ARHGAP32: variants seen among roughly 807,000 people sequenced by gnomAD.
ARHGAP32 encodes the protein Rho GTPase activating protein 32, also known as rho GTPase-activating protein 32.
Under a neutral mutation model 186.5 loss-of-function variants are expected in ARHGAP32, and 51 were observed. That is an observed-to-expected ratio of 0.27 (90% CI 0.22 to 0.35). The LOEUF is 0.35. Among genes scored for constraint, ARHGAP32 ranks in the 10% least tolerant of loss-of-function variants. ARHGAP32 has a pLI of 1.00. For synonymous variants in ARHGAP32, 950 were observed against 964.3 expected (o/e 0.99, Z 0.27); for missense variants, 2,186 against 2,623.5 (o/e 0.83, Z 3.64).
chr11:129,252,023 T>C (rs1176170115), intron 1 of ARHGAP32, among the ~76,000 whole-genome samples: 2 of 151,476 alleles, frequency 1.3e-5, no homozygotes, highest in African/African-American at 4.9e-5. Flanking sequence ...AAAAAGTAAA[T>C]AATAATATCA....
intron 1 of ARHGAP32, among the ~76,000 whole-genome samples, chr11:129,176,529 C>G (rs962244779): frequency 6.9e-6 from 1 of 145,130 alleles, no homozygotes; most frequent in Non-Finnish European, 1.5e-5. Flanking sequence ...TGACCACATA[C>G]TTGGAAGTAA....
chr11:129,104,798 C>T (rs1394187651), intron 5 of ARHGAP32, among the ~76,000 whole-genome samples: 1 of 152,132 alleles, frequency 6.6e-6, no homozygotes, highest in Admixed American at 6.6e-5. Context: ...TCAGAGTCAA[C>T]TTTCTCAGTA....
At chr11:128,986,147 T>C in intron 14 of ARHGAP32, 62 bp from the exon 15 acceptor site, 3 of 1,286,794 alleles carry the variant, frequency 2.3e-6, no homozygotes, top group African/African-American at 1.5e-5. Flanking sequence ...AAAGTTCACT[T>C]ACAATTCAGT....
intron 2 of ARHGAP32, chr11:129,126,004 G>A (rs1430235053): frequency 2.3e-6 from 1 of 435,662 alleles, no homozygotes; most frequent in South Asian, 1.7e-5. Flanking sequence ...GTAACATCTT[G>A]TCTTATTTTT....
At chr11:129,007,591 T>C (rs926981987) in intron 11 of ARHGAP32, among the ~76,000 whole-genome samples, 11 of 152,046 alleles carry the variant, frequency 7.2e-5, no homozygotes, top group African/African-American at 1.9e-4. Context: ...GTATCCAAGA[T>C]GCAAGACAAA....
At chr11:128,996,070 G>A (rs1220076857) in intron 12 of ARHGAP32, among the ~76,000 whole-genome samples, 1 of 152,098 alleles carries the variant, frequency 6.6e-6, no homozygotes, top group Non-Finnish European at 1.5e-5. Context: ...GAACCTATTG[G>A]TAAAAATCAC....
At chr11:129,248,433 CTT>C (rs1384929549) in intron 1 of ARHGAP32, among the ~76,000 whole-genome samples, 6 of 152,246 alleles carry the variant, frequency 3.9e-5, no homozygotes, top group Middle Eastern at 6.8e-3. Flanking sequence ...AAAATTTACT[CTT>C]AATCAAAATC....
At chr11:129,012,231 C>A (rs770352376) in intron 11 of ARHGAP32, among the ~76,000 whole-genome samples, 9 of 152,108 alleles carry the variant, frequency 5.9e-5, no homozygotes, top group Non-Finnish European at 8.8e-5. Flanking sequence ...ATATTGGTAA[C>A]AACTTTATAC....
At position 128,981,445 on chromosome 11, in the gene ARHGAP32, C is replaced by T; in HGVS notation, c.1751G>A (p.Arg584Lys). ...LNHVDVLFSG[R>K]ISMAMQEGAA... The stretch of plus-strand genomic sequence containing the variant: ...CCCCTCTTGCATGGCCATGCTGATT[C>T]TGCCGCTGAACAGCACATCAACGTG... Residue 584 changes from arginine to lysine, a missense_variant, in exon 17 of 23, where the codon AGA (arginine) becomes AAA (lysine). Physicochemically the swap from Arg to Lys is conservative, Grantham distance 26. Coordinates refer to ENST00000682385, the MANE Select transcript of ARHGAP32 (RefSeq NM_001378024.1). The T allele has an allele frequency of 6.2e-7, 1 of 1,610,980 alleles. No homozygotes were observed. The highest frequency in any genetic ancestry group is 8.5e-7 in the Non-Finnish European group (1 of 1,177,928).
Position 129,149,875 on chromosome 11 carries a change from A to G in ARHGAP32, c.225+14444T>C, listed in dbSNP as rs543201003. ...AGACACCAGAAAAATGTGAAAACCA[A>G]TGTAAAGAAATTTTTTTAGAAAATA... On this transcript the variant is annotated intron_variant, in intron 2 of 22. Coordinates refer to ENST00000682385, the MANE Select transcript of ARHGAP32 (RefSeq NM_001378024.1). Among the ~76,000 whole-genome samples the G allele has an allele frequency of 3.3e-3, 495 of 152,248 alleles. 1 individual carries two copies. Among genetic ancestry groups the G allele is most frequent in the African/African-American group, 0.011 (477 of 41,566 alleles).
chr11:129,167,757 A>G (rs987693913), intron 1 of ARHGAP32, among the ~76,000 whole-genome samples: 3 of 152,100 alleles, frequency 2.0e-5, no homozygotes, highest in Admixed American at 2.0e-4. Flanking sequence ...GAGGGATTTC[A>G]GGTGAGGGAT....
At chr11:129,149,262 C>T (rs973802323) in intron 2 of ARHGAP32, among the ~76,000 whole-genome samples, 1 of 152,182 alleles carries the variant, frequency 6.6e-6, no homozygotes, top group East Asian at 1.9e-4. Context: ...TTCCACTGCC[C>T]ACAACATCCT....
At chr11:129,103,929 C>T (rs1043718724) in intron 5 of ARHGAP32, among the ~76,000 whole-genome samples, 5 of 151,888 alleles carry the variant, frequency 3.3e-5, no homozygotes, top group Admixed American at 6.6e-5. Context: ...TAGACAAAAA[C>T]CCAGAACTGC....
upstream of ARHGAP32, among the ~76,000 whole-genome samples, chr11:129,193,604 A>ATATATAATATATATATAT (rs1391567385): frequency 1.3e-5 from 1 of 74,440 alleles, no homozygotes; most frequent in African/African-American, 5.4e-5. Context: ...GTTATATATA[A>ATATATAATATATATATAT]TATATAATAT....
chr11:129,159,765 C>CA (rs1160831893), intron 2 of ARHGAP32, among the ~76,000 whole-genome samples: 22 of 152,106 alleles, frequency 1.4e-4, no homozygotes, highest in Non-Finnish European at 2.4e-4. Flanking sequence ...AGAGACACAA[C>CA]AAAAAAACTA....
At chr11:129,097,175 T>C (rs982861571) in intron 5 of ARHGAP32, among the ~76,000 whole-genome samples, 1 of 150,608 alleles carries the variant, frequency 6.6e-6, no homozygotes, top group African/African-American at 2.4e-5. Context: ...AAGGAAAAAA[T>C]GAATCAAAAT....
chr11:129,124,008 G>T, intron 3 of ARHGAP32, 79 bp from the exon 4 acceptor site: 1 of 1,050,270 alleles, frequency 9.5e-7, no homozygotes, highest in Non-Finnish European at 1.3e-6. Context: ...TCTACTAAGT[G>T]AAAAGATGGT....
chr11:129,106,249 A>G (rs944649130), intron 5 of ARHGAP32, among the ~76,000 whole-genome samples: 1 of 152,234 alleles, frequency 6.6e-6, no homozygotes, highest in Non-Finnish European at 1.5e-5. Context: ...ACTATTCACA[A>G]TAGCAAAGAC....
intron 1 of ARHGAP32, among the ~76,000 whole-genome samples, chr11:129,197,426 T>C (rs759406814): frequency 6.6e-6 from 1 of 152,186 alleles, no homozygotes; most frequent in Non-Finnish European, 1.5e-5. Flanking sequence ...ATAATAATTG[T>C]TTTTTTCAAA....
Sources: allele counts gnomAD v4.1 joint callset (sites outside exome capture counted in the v4.1 genomes callset), GRCh38; gene constraint gnomAD v4.1.1; transcripts MANE v1.5; gene names NCBI Gene and HGNC (gene_info 2026-07-23, HGNC 2026-07-21).